NDOR1: variants seen among roughly 807,000 people sequenced by gnomAD.
The protein encoded by NDOR1 is NADPH-dependent diflavin oxidoreductase 1.
A neutral mutation model predicts 67.2 loss-of-function variants in NDOR1; 61 were observed. The ratio of observed to expected loss-of-function variants is 0.91; its 90% CI spans 0.74 to 1.12. The LOEUF (loss-of-function observed/expected upper bound fraction) is 1.12. Among genes scored for constraint, NDOR1 ranks in the 50% most tolerant of loss-of-function variants. NDOR1 has a pLI of 0.00. For synonymous variants in NDOR1, 378 were observed against 343.7 expected, an observed-to-expected ratio of 1.10 and a Z score of -1.10; for missense variants, 878 against 802.8, an observed-to-expected ratio of 1.09 and a Z score of -1.13.
chr9:137,207,645 G>A (rs1835036684), intron 2 of NDOR1, among the ~76,000 whole-genome samples: 1 of 152,112 alleles, frequency 6.6e-6, no homozygotes, highest in African/African-American at 2.4e-5. Flanking sequence ...AGAGGACTGG[G>A]GGAGTGAGTG....
intron 2 of NDOR1, among the ~76,000 whole-genome samples, chr9:137,207,300 T>C (rs1835014990): frequency 6.6e-6 from 1 of 151,546 alleles, no homozygotes; most frequent in South Asian, 2.1e-4. Flanking sequence ...CCCCGGGACA[T>C]GGAACGGACC....
chr9:137,215,579 C>G, intron 10 of NDOR1, 58 bp downstream of exon 10: 1 of 1,608,036 alleles, frequency 6.2e-7, no homozygotes, highest in Non-Finnish European at 8.5e-7. Context: ...CTCCCATGCT[C>G]ATGCAAATGC....
chr9:137,205,856 G>T lies in NDOR1; in HGVS notation c.79G>T (p.Glu27Ter). 6.2e-7 allele frequency: 1 copy of T among 1,602,290 alleles called. No individual in the cohort carries two copies. Residue 27 changes from glutamate (E) to a stop codon, truncating the protein, a stop_gained, in exon 1 of 14, where the codon GAG (glutamate) becomes TAG (stop). Transcript: ENST00000684003. LOFTEE classifies it high-confidence loss of function. The stretch of plus-strand genomic sequence containing the variant: ...GGATGTGTCGGAGAGACTGGGTCGC[G>T]AGGCCCGGCGCCGGCGGCTTGGCTG... The part of the protein sequence containing the change: ...AQDVSERLGR[E>*]ARRRRLGCRV...
chr9:137,209,311 T>G, intron 2 of NDOR1, among the ~76,000 whole-genome samples: 2 of 146,834 alleles, frequency 1.4e-5, no homozygotes, highest in African/African-American at 5.1e-5. Flanking sequence ...TCAGATAGAG[T>G]GGGATGGAAG....
At position 137,214,264 on chromosome 9, in the gene NDOR1, G is replaced by A; in HGVS notation, c.573G>A (p.Gly191=). Residue 191 remains glycine, a synonymous_variant, in exon 6 of 14, where the codon GGG becomes GGA. Coordinates refer to ENST00000684003, the MANE Select transcript of NDOR1 (RefSeq NM_014434.4). ...AGGCACCCAGCACGGGCTCTGAGGGGCAGCGGGTAGCTCACCCCGGCTCTC... is the reference window on the plus strand; with the variant it reads ...AGGCACCCAGCACGGGCTCTGAGGGACAGCGGGTAGCTCACCCCGGCTCTC... ...LQEAPSTGSE[G]QRVAHPGSQE... is the part of the protein sequence containing the mutation. 6.2e-7 allele frequency: 1 copy of A among 1,613,546 alleles called. No individual in the cohort carries two copies. The highest frequency in any genetic ancestry group is 8.5e-7 in the Non-Finnish European group (1 of 1,180,008).
rs139799853 is a variant in NDOR1 at position 137,214,813 on chromosome 9, C to T, written c.860C>T (p.Thr287Met). Residue 287 changes from threonine (T) to methionine (M), a missense_variant, in exon 8 of 14, where the codon ACG becomes ATG. Transcript: ENST00000684003. The stretch of plus-strand genomic sequence containing the variant: ...CACCCTGCAGATGTCTCCTCCCCCA[C>T]GAGGCTGCCCCAGCCCTGCTCCATG... ...QPREPDVSSP[T>M]RLPQPCSMRH... 10 of 1,603,940 alleles carry T rather than the reference C, an allele frequency of 6.2e-6. No homozygotes were observed. In the African/African-American group the frequency reaches 8.0e-5, roughly 13 times the overall value.
At chr9:137,206,735 C>T (rs1834989191) in intron 2 of NDOR1, among the ~76,000 whole-genome samples, 1 of 152,184 alleles carries the variant, frequency 6.6e-6, no homozygotes, top group Non-Finnish European at 1.5e-5. Context: ...GTAGCAGAAG[C>T]AGCTAACGGG....
In NDOR1 at chr9:137,217,236, C is replaced by G. The variant is rs923384425; in HGVS notation, c.*820C>G. ...CTGTGCCCGAGTGGCCTCTGCAGCTCTTATGTCTGCCTCTAATGGGATGTG... is the reference window on the plus strand; with the variant it reads ...CTGTGCCCGAGTGGCCTCTGCAGCTGTTATGTCTGCCTCTAATGGGATGTG... On this transcript the variant is annotated 3_prime_UTR_variant, in exon 14 of 14. Transcript: ENST00000684003. Among the ~76,000 whole-genome samples the G allele has an allele frequency of 6.6e-6, 1 of 152,160 alleles. No individual in the cohort carries two copies. Among genetic ancestry groups the G allele is most frequent in the Non-Finnish European group, 1.5e-5 (1 of 68,030 alleles).
At chr9:137,216,069 C>T in intron 12 of NDOR1, 25 bp from the exon 13 acceptor site, 4 of 1,613,408 alleles carry the variant, frequency 2.5e-6, no homozygotes, top group Non-Finnish European at 3.4e-6. Context: ...CGGCTCAGCC[C>T]CCAGCCCTGT....
intron 2 of NDOR1, 136 bp downstream of exon 2, chr9:137,206,445 G>A (rs1186026529): frequency 5.4e-6 from 5 of 922,908 alleles, no homozygotes; most frequent in East Asian, 4.8e-5. Flanking sequence ...GAGAACGTCC[G>A]TGAGTGGGGC....
Position 137,213,963 on chromosome 9 carries a change from C to A in NDOR1, c.411-4C>A, listed in dbSNP as rs769161662. On this transcript the variant is annotated splice_region_variant and splice_polypyrimidine_tract_variant and intron_variant, in intron 4 of 13. Coordinates refer to ENST00000684003, the MANE Select transcript of NDOR1 (RefSeq NM_014434.4). ...CTCAGGCCAGCGCACGTGCTCCCTC[C>A]CAGGCCCGACGCTGCTGTGGACCCC... 6.4e-7 allele frequency: 1 copy of A among 1,563,342 alleles called. No homozygotes were observed. The highest frequency in any genetic ancestry group is 8.7e-7 in the Non-Finnish European group (1 of 1,155,162).
rs556515563 is a variant in NDOR1 at position 137,218,658 on chromosome 9, G to C, written c.*2242G>C. On this transcript the variant is annotated 3_prime_UTR_variant, in exon 14 of 14. Transcript: ENST00000684003. ...GGCCAGGGGGCCCAGACTGGCCCAC[G>C]TCCCCATGCCTGGGTGCTGTGAGGC... 2.5e-6 allele frequency: 1 copy of C among 398,498 alleles called. No individual in the cohort carries two copies. Among genetic ancestry groups the C allele is most frequent in the South Asian group, 1.3e-4 (1 of 7,858 alleles). 24.7% of individuals were successfully genotyped at this position (398,498 alleles called of 1,614,324 possible).
intron 2 of NDOR1, among the ~76,000 whole-genome samples, chr9:137,210,226 C>A (rs1013365587): frequency 4.5e-4 from 69 of 152,134 alleles, no homozygotes; most frequent in African/African-American, 1.6e-3. Flanking sequence ...TTCTCTTTTT[C>A]TTTTTCTTTC....
rs568835199 is a variant in NDOR1 at position 137,215,951 on chromosome 9, G to A, written c.1488G>A (p.Glu496=). The A allele has an allele frequency of 3.1e-6, 5 of 1,613,752 alleles. No homozygotes were observed. Among genetic ancestry groups the A allele is most frequent in the Non-Finnish European group, 4.2e-6 (5 of 1,180,002 alleles). ...GGCGGGACCAAGACTTCTACTGGGA[G>A]GCTGAGTGGCAGGAGCTGGAGAAGC... The part of the protein sequence containing the change: ...CRWRDQDFYW[E]AEWQELEKRD... Residue 496 remains glutamate (E), a synonymous_variant, in exon 12 of 14, where the codon GAG becomes GAA. Transcript: ENST00000684003.
intron 2 of NDOR1, among the ~76,000 whole-genome samples, chr9:137,209,041 A>T (rs534461562): frequency 2.6e-5 from 4 of 151,822 alleles, no homozygotes; most frequent in African/African-American, 9.7e-5. Context: ...CACCACGCCC[A>T]GCTAATTTTT....
Position 137,216,632 on chromosome 9 carries a change from C to T in NDOR1, c.*216C>T, listed in dbSNP as rs890609831. 19 of 614,468 alleles carry T rather than the reference C, an allele frequency of 3.1e-5. No individual in the cohort carries two copies. The highest frequency in any genetic ancestry group is 2.4e-4 in the South Asian group (12 of 50,648). 38.1% of individuals were successfully genotyped at this position (614,468 alleles called of 1,614,324 possible). A position where few individuals can be genotyped will look rare whatever the true frequency, so the allele number is the denominator to read the frequency against. On this transcript the variant is annotated 3_prime_UTR_variant, in exon 14 of 14. Coordinates refer to ENST00000684003, the MANE Select transcript of NDOR1 (RefSeq NM_014434.4). ...TGCAGCCTCTGCCCAGCCAGCCCTG[C>T]GCTCCCCCACCCTGACAGTGAGCTG...
rs1467183692 is a variant in NDOR1 at position 137,206,023 on chromosome 9, C to G, written c.135+111C>G. 4 of 1,486,104 alleles carry G rather than the reference C, an allele frequency of 2.7e-6. No homozygotes were observed. The African/African-American group carries it at 5.6e-5, about 21-fold the overall frequency. 92.1% of individuals were successfully genotyped at this position (1,486,104 alleles called of 1,614,324 possible). A position where few individuals can be genotyped will look rare whatever the true frequency, so the allele number is the denominator to read the frequency against. On this transcript the variant is annotated intron_variant, in intron 1 of 13. Coordinates refer to ENST00000684003, the MANE Select transcript of NDOR1 (RefSeq NM_014434.4). ...ATTTTCTCTGAGAGCGGGTCTTTCC[C>G]TTATGGCGGATTTAGGGAAGGAGGT...
chr9:137,208,610 G>A (rs1226994153), intron 2 of NDOR1, among the ~76,000 whole-genome samples: 1 of 152,154 alleles, frequency 6.6e-6, no homozygotes, highest in Non-Finnish European at 1.5e-5. Context: ...GCCGAGGTGG[G>A]AGGATCGCTT....
In NDOR1 at chr9:137,218,284, C is replaced by T. The variant is rs917971154; in HGVS notation, c.*1868C>T. 26 of 398,178 alleles carry T rather than the reference C, an allele frequency of 6.5e-5. No homozygotes were observed. Among genetic ancestry groups the T allele is most frequent in the Non-Finnish European group, 1.0e-4 (23 of 225,826 alleles). 24.7% of individuals were successfully genotyped at this position (398,178 alleles called of 1,614,324 possible). ...GGCTACAGGAGGAGCTGCTACAGGC[C>T]GACGGGCCCTCACGCCAGCCCCGCC... is the stretch of plus-strand genomic sequence containing the variant. On this transcript the variant is annotated 3_prime_UTR_variant, in exon 14 of 14. Transcript: ENST00000684003.
Sources: allele counts gnomAD v4.1 joint callset (sites outside exome capture counted in the v4.1 genomes callset), GRCh38; gene constraint gnomAD v4.1.1; transcripts MANE v1.5; gene names NCBI Gene and HGNC (gene_info 2026-07-23, HGNC 2026-07-21).